Variants in SLX4IP observed in about 807,000 individuals in gnomAD.
SLX4IP encodes the protein SLX4 interacting protein.
In SLX4IP, 34 loss-of-function variants were observed where a neutral mutation model predicts 32.9. That is an observed-to-expected ratio of 1.03 (90% CI 0.79 to 1.38). SLX4IP has a LOEUF of 1.38. SLX4IP is among the 40% of genes most tolerant of loss of function. The probability of loss-of-function intolerance (pLI) is 0.00; values close to 1 mark genes in which losing one functional copy is unlikely to be tolerated. For synonymous variants in SLX4IP, 172 were observed against 171.7 expected (o/e 1.00, Z -0.01); for missense variants, 444 against 479.0 (o/e 0.93, Z 0.68).
At position 10,621,293 on chromosome 20, in the gene SLX4IP, CT is replaced by C; in HGVS notation, c.406-18del. The C allele has an allele frequency of 6.2e-7, 1 of 1,607,814 alleles. No homozygotes were observed. The highest frequency in any genetic ancestry group is 8.5e-7 in the Non-Finnish European group (1 of 1,174,354). Reference sequence around the variant, plus strand: ...TCAGCTAATAGATTTCTGGTTGAACCTTTGTTATCTTTTGGAGTAGACAGAA... The same window carrying C: ...TCAGCTAATAGATTTCTGGTTGAACCTTGTTATCTTTTGGAGTAGACAGAA... On this transcript the variant is annotated intron_variant, in intron 6 of 7. Coordinates refer to ENST00000334534, the MANE Select transcript of SLX4IP (RefSeq NM_001009608.3).
At chr20:10,450,165 GTAAT>G (rs975652401) in intron 1 of SLX4IP, among the ~76,000 whole-genome samples, 2 of 146,950 alleles carry the variant, frequency 1.4e-5, no homozygotes, top group African/African-American at 4.9e-5. Flanking sequence ...AAACTGGTGT[GTAAT>G]TAAAAAATAA....
chr20:10,551,449 C>A (rs2066217454), intron 2 of SLX4IP, among the ~76,000 whole-genome samples: 1 of 152,108 alleles, frequency 6.6e-6, no homozygotes, highest in South Asian at 2.1e-4. Flanking sequence ...GTGATTTGCC[C>A]AATTCTTGGG....
At chr20:10,621,265 T>C (rs760452185) in intron 6 of SLX4IP, 49 bp from the exon 7 acceptor site, 12 of 1,526,472 alleles carry the variant, frequency 7.9e-6, no homozygotes, top group Non-Finnish European at 1.1e-5. Flanking sequence ...TTTTCTCTCA[T>C]GTTCAGCTAA....
chr20:10,492,909 A>G (rs975339177), intron 2 of SLX4IP, among the ~76,000 whole-genome samples: 2 of 152,172 alleles, frequency 1.3e-5, no homozygotes, highest in African/African-American at 4.8e-5. Flanking sequence ...TTTTATGTAC[A>G]CATTATCATT....
chr20:10,451,682 A>G (rs1298092119), intron 1 of SLX4IP, among the ~76,000 whole-genome samples: 1 of 152,070 alleles, frequency 6.6e-6, no homozygotes, highest in Non-Finnish European at 1.5e-5. Context: ...TAAATAAAAT[A>G]GATTGGCCAG....
intron 2 of SLX4IP, among the ~76,000 whole-genome samples, chr20:10,534,666 T>C (rs1439634948): frequency 6.6e-6 from 1 of 152,042 alleles, no homozygotes; most frequent in Non-Finnish European, 1.5e-5. Flanking sequence ...GCGTCTGGGG[T>C]ATGCTCAATA....
chr20:10,523,570 T>C (rs553289942), intron 2 of SLX4IP, among the ~76,000 whole-genome samples: 4 of 152,254 alleles, frequency 2.6e-5, no homozygotes, highest in Non-Finnish European at 5.9e-5. Flanking sequence ...CTAATGACTT[T>C]CTAAAATGAG....
At position 10,620,742 on chromosome 20, in the gene SLX4IP, A is replaced by C. The variant is rs557278048; in HGVS notation, c.406-572A>C. 1.4e-4 allele frequency among the ~76,000 whole-genome samples: 21 copies of C among 152,256 alleles called. No homozygotes were observed. The East Asian group carries it at 3.9e-3, about 28-fold the overall frequency. On this transcript the variant is annotated intron_variant, in intron 6 of 7. Transcript: ENST00000334534. ...CTAGTTTTTTTTGTATTTTTAGTAG[A>C]GACGGGGTTTCACCGTGTTAGCCAG...
chr20:10,564,662 A>G (rs957472941), intron 4 of SLX4IP, among the ~76,000 whole-genome samples: 3 of 152,198 alleles, frequency 2.0e-5, no homozygotes, highest in African/African-American at 7.2e-5. Flanking sequence ...TGTTTTTCCA[A>G]TTATATGATA....
At chr20:10,452,142 C>A (rs1285292690) in intron 1 of SLX4IP, among the ~76,000 whole-genome samples, 1 of 152,150 alleles carries the variant, frequency 6.6e-6, no homozygotes, top group Non-Finnish European at 1.5e-5. Flanking sequence ...ATGCTCAAGG[C>A]TTGTGAATTA....
At chr20:10,492,322 A>G (rs1600926518) in intron 2 of SLX4IP, among the ~76,000 whole-genome samples, 1 of 152,146 alleles carries the variant, frequency 6.6e-6, no homozygotes, top group Non-Finnish European at 1.5e-5. Flanking sequence ...TACTCTCCAC[A>G]GTAGTTGCGT....
chr20:10,476,250 G>T (rs1231898269), intron 2 of SLX4IP, among the ~76,000 whole-genome samples: 3 of 152,034 alleles, frequency 2.0e-5, no homozygotes, highest in East Asian at 3.9e-4. Flanking sequence ...TTTTTGAATG[G>T]CTACTCTTTG....
chr20:10,562,838 C>T (rs1001567504), intron 4 of SLX4IP, among the ~76,000 whole-genome samples: 13 of 152,042 alleles, frequency 8.6e-5, no homozygotes, highest in Admixed American at 4.6e-4. Flanking sequence ...AGATTGATTC[C>T]GTTATCTTAG....
At chr20:10,587,824 C>A (rs1336569239) in intron 4 of SLX4IP, among the ~76,000 whole-genome samples, 1 of 152,122 alleles carries the variant, frequency 6.6e-6, no homozygotes, top group Non-Finnish European at 1.5e-5. Context: ...GGATCTTTAT[C>A]TTATACCATA....
At chr20:10,511,722 A>G (rs900150106) in intron 2 of SLX4IP, among the ~76,000 whole-genome samples, 14 of 152,250 alleles carry the variant, frequency 9.2e-5, no homozygotes, top group African/African-American at 3.1e-4. Flanking sequence ...GGCCAGACTG[A>G]GAGCAGAGTG....
At position 10,474,634 on chromosome 20, in the gene SLX4IP, C is replaced by T. The variant is rs1338918528; in HGVS notation, c.27+16403C>T. Among the ~76,000 whole-genome samples, 3 of 152,238 alleles carry T rather than the reference C, an allele frequency of 2.0e-5. No individual in the cohort carries two copies. The East Asian group carries it at 5.8e-4, about 29-fold the overall frequency. ...AACCCCAGAAGGAAGGCCAGATGGG[C>T]CTTGGGGGCCTGGGCTGGGGCTGGA... On this transcript the variant is annotated intron_variant, in intron 2 of 7. Coordinates refer to ENST00000334534, the MANE Select transcript of SLX4IP (RefSeq NM_001009608.3).
chr20:10,487,877 A>G (rs1044144201), intron 2 of SLX4IP, among the ~76,000 whole-genome samples: 2 of 152,184 alleles, frequency 1.3e-5, no homozygotes, highest in Non-Finnish European at 2.9e-5. Flanking sequence ...GTTAGGATAC[A>G]TTGGTGAACA....
intron 6 of SLX4IP, 91 bp downstream of exon 6, chr20:10,601,910 A>G (rs895306026): frequency 2.1e-5 from 24 of 1,129,916 alleles, no homozygotes; most frequent in Non-Finnish European, 3.1e-5. Context: ...TGCTGTTGTC[A>G]TTCAGCTGAT....
intron 4 of SLX4IP, among the ~76,000 whole-genome samples, chr20:10,596,416 A>T (rs2066771856): frequency 6.6e-6 from 1 of 151,696 alleles, no homozygotes; most frequent in Admixed American, 6.6e-5. Flanking sequence ...TTTTAAGGAG[A>T]CGGGGTCTCA....
Sources: gnomAD v4.1 joint callset for allele counts (sites outside exome capture counted in the v4.1 genomes callset) on GRCh38, gnomAD v4.1.1 for gene constraint, MANE v1.5 for transcripts, NCBI Gene and HGNC (gene_info 2026-07-23, HGNC 2026-07-21) for gene names.